Variants in CAMK2G observed in about 807,000 individuals in gnomAD.
CAMK2G encodes calcium/calmodulin-dependent protein kinase type II subunit gamma.
A neutral mutation model predicts 88.7 loss-of-function variants in CAMK2G; 23 were observed. That is an observed-to-expected ratio of 0.26 (90% CI 0.19 to 0.37). CAMK2G has a LOEUF of 0.37. Ranked by LOEUF, CAMK2G falls within the 10% of genes least tolerant of loss-of-function variation. The pLI is 1.00. For missense variants in CAMK2G, 476 were observed against 780.8 expected, an observed-to-expected ratio of 0.61 and a Z score of 4.65; for synonymous variants, 263 against 294.8, an observed-to-expected ratio of 0.89 and a Z score of 1.11.
intron 5 of CAMK2G, among the ~76,000 whole-genome samples, chr10:73,849,655 A>G (rs1442214947): frequency 6.6e-6 from 1 of 152,228 alleles, no homozygotes; most frequent in Non-Finnish European, 1.5e-5. Context: ...ATCCTGAGGA[A>G]GAAGAGAGCA....
chr10:73,873,213 C>A (rs1340946503), intron 1 of CAMK2G, 130 bp from the exon 2 acceptor site: 3 of 947,066 alleles, frequency 3.2e-6, no homozygotes, highest in South Asian at 1.4e-5. Context: ...GCACACACAC[C>A]GGCGCTGTGA....
chr10:73,858,091 A>T (rs1047810839), intron 3 of CAMK2G, among the ~76,000 whole-genome samples: 1 of 152,210 alleles, frequency 6.6e-6, no homozygotes, highest in Non-Finnish European at 1.5e-5. Flanking sequence ...TCCAGAGTTT[A>T]TATCAGGGTT....
chr10:73,872,903 C>T, intron 2 of CAMK2G, 86 bp downstream of exon 2: 1 of 881,718 alleles, frequency 1.1e-6, no homozygotes, highest in Non-Finnish European at 1.9e-6. Context: ...CTAAAACGCA[C>T]AACCCCCAAT....
chr10:73,860,299 T>C (rs1418471822), intron 3 of CAMK2G, among the ~76,000 whole-genome samples: 1 of 152,192 alleles, frequency 6.6e-6, no homozygotes. Flanking sequence ...TCCTTCCCCA[T>C]CTGAGTGGTT....
rs2093863304 is a variant in CAMK2G, at chr10:73,842,347, T to G, written c.903+111A>C. The G allele has an allele frequency of 6.0e-6, 7 of 1,160,406 alleles. No homozygotes were observed. The highest frequency in any genetic ancestry group is 6.5e-6 in the Non-Finnish European group (5 of 768,214). The allele number at this position is 1,160,406 out of a possible 1,614,324, so 71.9% of individuals were successfully genotyped here. On this transcript the variant is annotated intron_variant, in intron 11 of 22. Transcript: ENST00000423381. The surrounding 1 kb of genome is among the most constrained non-coding windows in gnomAD (Gnocchi z 4.6). ...CCCCTCCCCTGTGACATGTACAACC[T>G]TCAGAGCCCAGCTCCAGCCAGGAGG...
rs1261807279 is a variant in CAMK2G, at chr10:73,839,147, G to A, written c.1009+392C>T. 3.3e-5 allele frequency among the ~76,000 whole-genome samples: 5 copies of A among 152,186 alleles called. No individual in the cohort carries two copies. The highest frequency in any genetic ancestry group is 9.6e-5 in the African/African-American group (4 of 41,452). On this transcript the variant is annotated intron_variant, in intron 13 of 22. Coordinates refer to ENST00000423381, the MANE Select transcript of CAMK2G (RefSeq NM_001367534.1). The surrounding 1 kb of genome is among the most constrained non-coding windows in gnomAD (Gnocchi z 4.2). ...CAGACTTCACAATTTTGAGGAGCGC[G>A]GCTCCTCTGTGGGGTCTTAAACAGT... is the stretch of plus-strand genomic sequence containing the variant.
intron 3 of CAMK2G, among the ~76,000 whole-genome samples, chr10:73,854,184 C>T (rs1057114523): frequency 6.6e-6 from 1 of 152,194 alleles, no homozygotes; most frequent in Admixed American, 6.5e-5. Flanking sequence ...AAAAGAAAGA[C>T]CACTTACAAA....
intron 14 of CAMK2G, among the ~76,000 whole-genome samples, chr10:73,836,252 T>C: frequency 6.6e-6 from 1 of 152,146 alleles, no homozygotes; most frequent in East Asian, 1.9e-4. Context: ...GACTAAACCA[T>C]CTCGCGTGGG....
chr10:73,862,372 T>A (rs2095421365), intron 2 of CAMK2G, among the ~76,000 whole-genome samples: 1 of 146,032 alleles, frequency 6.8e-6, no homozygotes, highest in South Asian at 2.3e-4. Context: ...ATCTTTCAGT[T>A]GCAAGCTCTT....
chr10:73,818,273 GA>G, intron 19 of CAMK2G: 1 of 192,782 alleles, frequency 5.2e-6, no homozygotes, highest in Non-Finnish European at 1.1e-5. Context: ...TGTTCCTCAG[GA>G]AAACCAGACA....
chr10:73,829,460 G>T (rs943664921), intron 14 of CAMK2G, among the ~76,000 whole-genome samples: 3 of 151,582 alleles, frequency 2.0e-5, no homozygotes, highest in African/African-American at 7.3e-5. Context: ...ACGCCCCACT[G>T]ATTTTTTTTT....
At position 73,815,987 on chromosome 10, in the gene CAMK2G, T is replaced by C; in HGVS notation, c.1535-740A>G. ...AAACTCTGGAATTGCTTCTGGCTAA[T>C]AGAATTACTTAGATAACAGAGAGTT... is the stretch of plus-strand genomic sequence containing the variant. On this transcript the variant is annotated intron_variant, in intron 21 of 22. Transcript: ENST00000423381. 5.1e-6 allele frequency: 5 copies of C among 985,294 alleles called. No homozygotes were observed. The South Asian group carries it at 1.4e-4, about 28-fold the overall frequency. The allele number at this position is 985,294 out of a possible 1,614,324, so 61.0% of individuals were successfully genotyped here. A position where few individuals can be genotyped will look rare whatever the true frequency, so the allele number is the denominator to read the frequency against.
At chr10:73,824,108 C>T (rs2090100624) in intron 16 of CAMK2G, 24 bp from the exon 17 acceptor site, 2 of 1,600,282 alleles carry the variant, frequency 1.2e-6, no homozygotes, top group South Asian at 2.2e-5. Flanking sequence ...TGAAGATTAC[C>T]CTTCCGACTT....
At position 73,812,789 on chromosome 10, in the gene CAMK2G, T is replaced by G. The variant is rs1015396001; in HGVS notation, c.*1729A>C. The G allele has an allele frequency of 6.5e-6, 1 of 152,704 alleles. No homozygotes were observed. Among genetic ancestry groups the G allele is most frequent in the Non-Finnish European group, 1.5e-5 (1 of 68,052 alleles). The allele number at this position is 152,704 out of a possible 1,614,324, so 9.5% of individuals were successfully genotyped here. A position where few individuals can be genotyped will look rare whatever the true frequency, so the allele number is the denominator to read the frequency against. ...GGGTCTCAATGAATTCTAAGACCAT[T>G]TGTCTTCAAGCCAGCAAAACGAAAC... is the stretch of plus-strand genomic sequence containing the variant. On this transcript the variant is annotated 3_prime_UTR_variant, in exon 23 of 23. Transcript: ENST00000423381.
chr10:73,837,544 G>A, intron 13 of CAMK2G, 33 bp from the exon 14 acceptor site: 1 of 1,571,930 alleles, frequency 6.4e-7, no homozygotes, highest in Non-Finnish European at 8.8e-7. Flanking sequence ...CAAGTCTCCT[G>A]CATTGTACCC....
At chr10:73,864,773 G>C (rs1374448723) in intron 2 of CAMK2G, among the ~76,000 whole-genome samples, 4 of 152,154 alleles carry the variant, frequency 2.6e-5, no homozygotes, top group African/African-American at 9.7e-5. Context: ...CTCCCGAGTA[G>C]CTGGGACTGC....
intron 2 of CAMK2G, among the ~76,000 whole-genome samples, chr10:73,864,837 G>C (rs1249906875): frequency 6.6e-6 from 1 of 152,038 alleles, no homozygotes; most frequent in African/African-American, 2.4e-5. Flanking sequence ...GTAGAGACGG[G>C]GTTTCACTGT....
At chr10:73,828,187 C>T (rs968144174) in intron 14 of CAMK2G, 66 bp from the exon 15 acceptor site, 11 of 1,358,166 alleles carry the variant, frequency 8.1e-6, no homozygotes, top group African/African-American at 5.7e-5. Context: ...AGCACAGAGA[C>T]GCTGCAGGTT....
At chr10:73,860,993 G>C in intron 2 of CAMK2G, 104 bp from the exon 3 acceptor site, 1 of 809,930 alleles carries the variant, frequency 1.2e-6, no homozygotes, top group South Asian at 1.4e-5. Context: ...ATGCATTTGT[G>C]ATGATTTGCT....
Sources: gnomAD v4.1 joint callset for allele counts (sites outside exome capture counted in the v4.1 genomes callset) on GRCh38, gnomAD v4.1.1 for gene constraint, Gnocchi (gnomAD v3.1) non-coding constraint, MANE v1.5 for transcripts, NCBI Gene and HGNC (gene_info 2026-07-23, HGNC 2026-07-21) for gene names.